The following PSD3 variants were observed in gnomAD, a reference collection of about 807,000 sequenced individuals.
PSD3 encodes the protein PH and SEC7 domain-containing protein 3.
Under a neutral mutation model 105.5 loss-of-function variants are expected in PSD3, and 49 were observed. The observed-to-expected ratio is 0.46, with a 90% confidence interval of 0.37 to 0.59. PSD3 has a LOEUF of 0.59. Among genes scored for constraint, PSD3 ranks in the 20% least tolerant of loss-of-function variants. The pLI, the probability that PSD3 is intolerant of heterozygous loss-of-function variation, is 0.00. For missense variants in PSD3, 1,561 were observed against 1,263.8 expected (o/e 1.24, Z -3.57); for synonymous variants, 557 against 457.8 (o/e 1.22, Z -2.77).
intron 12 of PSD3, among the ~76,000 whole-genome samples, chr8:18,580,049 A>T (rs573036080): frequency 2.2e-4 from 34 of 152,346 alleles, no homozygotes; most frequent in East Asian, 1.9e-4. Context: ...AACTGGCATT[A>T]AAAATGTTTT....
chr8:18,641,616 G>A (rs1356009430), intron 10 of PSD3, among the ~76,000 whole-genome samples: 1 of 152,144 alleles, frequency 6.6e-6, no homozygotes, highest in Non-Finnish European at 1.5e-5. Context: ...AGTGTGCAAA[G>A]TTACAAACAT....
chr8:18,909,178 T>A lies in PSD3; in HGVS notation c.130+26856A>T, dbSNP rs568470514. 5.9e-5 allele frequency among the ~76,000 whole-genome samples: 9 copies of A among 152,330 alleles called. No individual in the cohort carries two copies. The South Asian group carries it at 1.7e-3, about 28-fold the overall frequency. On this transcript the variant is annotated intron_variant, in intron 2 of 15. Coordinates refer to ENST00000327040, the MANE Select transcript of PSD3 (RefSeq NM_015310.4). ...TGTAGTTGGGTATTGCATTGAGCCA[T>A]CCCTATTAATTTGCTTGGGTTTCCC...
chr8:18,611,472 T>C (rs1055133697), intron 11 of PSD3, among the ~76,000 whole-genome samples: 1 of 152,198 alleles, frequency 6.6e-6, no homozygotes, highest in African/African-American at 2.4e-5. Flanking sequence ...TGGTTTGAGA[T>C]ACTGGCTTCA....
At chr8:18,724,198 G>A (rs543188089) in intron 9 of PSD3, among the ~76,000 whole-genome samples, 2 of 152,264 alleles carry the variant, frequency 1.3e-5, no homozygotes, top group South Asian at 4.1e-4. Flanking sequence ...GACGAGTAGA[G>A]GGGTAATGCC....
At chr8:18,837,063 T>A (rs938800432) in intron 4 of PSD3, among the ~76,000 whole-genome samples, 1 of 152,102 alleles carries the variant, frequency 6.6e-6, no homozygotes, top group African/African-American at 2.4e-5. Context: ...AGAAAGGGAC[T>A]GAGCTAGGAG....
At chr8:18,700,317 AAATAAG>A (rs1182998318) in intron 9 of PSD3, among the ~76,000 whole-genome samples, 2 of 152,206 alleles carry the variant, frequency 1.3e-5, no homozygotes, top group African/African-American at 4.8e-5. Flanking sequence ...CGGTGGCCAA[AAATAAG>A]AATATTTTAC....
intron 9 of PSD3, among the ~76,000 whole-genome samples, chr8:18,743,309 A>G (rs1193052379): frequency 6.6e-6 from 1 of 152,174 alleles, no homozygotes; most frequent in African/African-American, 2.4e-5. Flanking sequence ...AGGAGCGGGG[A>G]GATAGCGAAT....
intron 11 of PSD3, among the ~76,000 whole-genome samples, chr8:18,627,867 A>C (rs1203525041): frequency 6.6e-6 from 1 of 152,030 alleles, no homozygotes; most frequent in Non-Finnish European, 1.5e-5. Context: ...ACAGTTCCAG[A>C]AACGACAGAA....
intron 1 of PSD3, among the ~76,000 whole-genome samples, chr8:18,956,542 A>G (rs1372192844): frequency 2.0e-5 from 3 of 152,204 alleles, no homozygotes; most frequent in Admixed American, 1.3e-4. Flanking sequence ...AAGGGGTGTG[A>G]TGAAGGTTTC....
chr8:18,857,767 T>G (rs1816132331), intron 4 of PSD3, among the ~76,000 whole-genome samples: 1 of 152,084 alleles, frequency 6.6e-6, no homozygotes, highest in Non-Finnish European at 1.5e-5. Flanking sequence ...TCTAATAAGC[T>G]CCCAAGTGAA....
chr8:19,024,814 G>A (rs1449549537), intron 1 of PSD3, among the ~76,000 whole-genome samples: 1 of 152,108 alleles, frequency 6.6e-6, no homozygotes, highest in East Asian at 1.9e-4. Context: ...TGTGCCCAGA[G>A]AGGGCATGAA....
intron 9 of PSD3, among the ~76,000 whole-genome samples, chr8:18,674,969 C>G (rs1374723074): frequency 6.6e-6 from 1 of 151,964 alleles, no homozygotes; most frequent in African/African-American, 2.4e-5. Context: ...CTACTGCACT[C>G]CAGCTTGGGT....
rs1299878879 is a variant in PSD3 at position 18,972,040 on chromosome 8, A to G, written c.22-35898T>C. 2.6e-5 allele frequency among the ~76,000 whole-genome samples: 4 copies of G among 152,294 alleles called. 1 individual carries two copies. The highest frequency in any genetic ancestry group is 6.8e-3 in the Middle Eastern group (2 of 294). On this transcript the variant is annotated intron_variant, in intron 1 of 15. Coordinates refer to ENST00000327040, the MANE Select transcript of PSD3 (RefSeq NM_015310.4). Reference sequence around the variant, plus strand: ...TAAACAAAATACTATAAAGAGTCAGATGAAGATTTAATGCCTATCATCCTA... The same window carrying G: ...TAAACAAAATACTATAAAGAGTCAGGTGAAGATTTAATGCCTATCATCCTA...
chr8:18,858,364 G>A (rs1021349819), intron 4 of PSD3, among the ~76,000 whole-genome samples: 2 of 152,174 alleles, frequency 1.3e-5, no homozygotes, highest in African/African-American at 2.4e-5. Flanking sequence ...TCTTTTTGCT[G>A]ATGGAAGGAC....
chr8:18,623,781 G>C (rs928956809), intron 11 of PSD3, among the ~76,000 whole-genome samples: 2 of 152,120 alleles, frequency 1.3e-5, no homozygotes, highest in African/African-American at 2.4e-5. Context: ...GTACTTGTCA[G>C]TGACTGCCTG....
intron 1 of PSD3, among the ~76,000 whole-genome samples, chr8:18,986,814 G>C (rs775867024): frequency 6.6e-6 from 1 of 152,162 alleles, no homozygotes; most frequent in African/African-American, 2.4e-5. Flanking sequence ...AGAGCCAGCA[G>C]TGGGCAGATA....
intron 2 of PSD3, among the ~76,000 whole-genome samples, chr8:18,926,502 A>G (rs975383042): frequency 6.6e-6 from 1 of 152,126 alleles, no homozygotes; most frequent in Non-Finnish European, 1.5e-5. Flanking sequence ...TGTACAATAA[A>G]CCATAAGCAC....
At chr8:18,930,395 C>A (rs1463942810) in intron 2 of PSD3, among the ~76,000 whole-genome samples, 2 of 152,156 alleles carry the variant, frequency 1.3e-5, no homozygotes, top group African/African-American at 4.8e-5. Flanking sequence ...CATTCAGTTA[C>A]CTAATTCCTA....
At chr8:18,799,081 C>G in intron 8 of PSD3, 1 of 505,304 alleles carries the variant, frequency 2.0e-6, no homozygotes, top group East Asian at 3.7e-5. Flanking sequence ...TAAAACAACT[C>G]CAGACACCAG....
Sources: gnomAD v4.1 joint callset for allele counts (sites outside exome capture counted in the v4.1 genomes callset) on GRCh38, gnomAD v4.1.1 for gene constraint, MANE v1.5 for transcripts, NCBI Gene and HGNC (gene_info 2026-07-23, HGNC 2026-07-21) for gene names.